The following NOL8 variants were observed in gnomAD, a reference collection of about 807,000 sequenced individuals.
NOL8 encodes nucleolar protein Nop132.
Under a neutral mutation model 116.1 loss-of-function variants are expected in NOL8, and 93 were observed. The observed-to-expected ratio is 0.80, with a 90% CI of 0.68 to 0.95. NOL8 has a LOEUF of 0.95. Ranked by LOEUF, NOL8 falls within the 40% of genes least tolerant of loss-of-function variation. The probability of loss-of-function intolerance (pLI) is 0.00; values close to 1 mark genes in which losing one functional copy is unlikely to be tolerated. For synonymous variants in NOL8, 419 were observed against 469.0 expected (o/e 0.89, Z 1.38); for missense variants, 1,291 against 1,382.8 (o/e 0.93, Z 1.05).
chr9:92,323,239 T>C, intron 3 of NOL8: 1 of 1,431,870 alleles, frequency 7.0e-7, no homozygotes. Context: ...AACCCACCAG[T>C]AAAGTGCTAC....
chr9:92,305,958 CAGATA>C (rs1838215762), intron 11 of NOL8, 128 bp from the exon 12 acceptor site: 2 of 640,164 alleles, frequency 3.1e-6, no homozygotes, highest in Non-Finnish European at 2.8e-6. Context: ...CATATAACAT[CAGATA>C]AGATAACTAG....
At chr9:92,302,599 A>G (rs1057138999) in intron 12 of NOL8, among the ~76,000 whole-genome samples, 2 of 152,224 alleles carry the variant, frequency 1.3e-5, no homozygotes, top group African/African-American at 4.8e-5. Flanking sequence ...TAGGAAACCA[A>G]GCTCTATAAA....
intron 14 of NOL8, among the ~76,000 whole-genome samples, chr9:92,299,274 T>C (rs1837512389): frequency 6.6e-6 from 1 of 152,168 alleles, no homozygotes; most frequent in African/African-American, 2.4e-5. Context: ...GCTACCCCAT[T>C]TGCCAGTGCC....
intron 13 of NOL8, 80 bp downstream of exon 13, chr9:92,301,471 A>C (rs1837736421): frequency 9.0e-7 from 1 of 1,116,142 alleles, no homozygotes; most frequent in African/African-American, 1.6e-5. Flanking sequence ...CTAACATGAA[A>C]TCTGTTACAC....
intron 10 of NOL8, chr9:92,308,854 T>G (rs1373612102): frequency 1.3e-5 from 2 of 151,634 alleles, no homozygotes; most frequent in Non-Finnish European, 2.9e-5. Flanking sequence ...ACCCAAAGAG[T>G]TGTAAAGAAA....
chr9:92,303,277 GGCAAACTATAGTCCATGGGCCA>G (rs1028506189), intron 12 of NOL8, among the ~76,000 whole-genome samples: 1 of 152,140 alleles, frequency 6.6e-6, no homozygotes. Context: ...AGAAGGGGTT[GGCAAACTATAGTCCATGGGCCA>G]AGTCCAGGCT....
chr9:92,317,156 TCTCA>T (rs1477462053), intron 6 of NOL8, among the ~76,000 whole-genome samples: 2 of 152,142 alleles, frequency 1.3e-5, no homozygotes, highest in African/African-American at 4.8e-5. Flanking sequence ...AGAGTTACAG[TCTCA>T]CTATGTTGCC....
rs1008723815 is a variant in NOL8 at position 92,301,547 on chromosome 9, G to A, written c.3175+4C>T. The stretch of plus-strand genomic sequence containing the variant: ...TAAAAAAGTATGGGAAAAAAGAAAA[G>A]TACCTTCCTTTATGTCTTTAGTGTC... On this transcript the variant is annotated splice_donor_region_variant and intron_variant, in intron 13 of 16. Coordinates refer to ENST00000442668, the MANE Select transcript of NOL8 (RefSeq NM_017948.6). 2 of 1,569,224 alleles carry A rather than the reference G, an allele frequency of 1.3e-6. No individual in the cohort carries two copies. Among genetic ancestry groups the A allele is most frequent in the Non-Finnish European group, 8.6e-7 (1 of 1,162,054 alleles).
chr9:92,315,032 G>A lies in NOL8; in HGVS notation c.1593C>T (p.Gly531=). ...RGSKSPKTPT[G]LRRGRQCIRP... is the part of the protein sequence containing the mutation. ...GAATACACTGTCGGCCTCTGCGGAG[G>A]CCAGTGGGAGTCTTGGGGCTCTTGG... The change falls in exon 7 of 17, where the codon GGC becomes GGT. Residue 531 remains glycine, a synonymous_variant. Coordinates refer to ENST00000442668, the MANE Select transcript of NOL8 (RefSeq NM_017948.6). 6.2e-7 allele frequency: 1 copy of A among 1,614,032 alleles called. No homozygotes were observed. Among genetic ancestry groups the A allele is most frequent in the South Asian group, 1.1e-5 (1 of 91,086 alleles).
Position 92,306,429 on chromosome 9 carries a change from A to C in NOL8, c.2825+457T>G, listed in dbSNP as rs185913093. ...ATTTGCATAAAACATTTCATTGTGTAAAGTAGGGGTTGGATAAAGGTATAG... is the reference window on the plus strand; with the variant it reads ...ATTTGCATAAAACATTTCATTGTGTCAAGTAGGGGTTGGATAAAGGTATAG... On this transcript the variant is annotated intron_variant, in intron 11 of 16. Coordinates refer to ENST00000442668, the MANE Select transcript of NOL8 (RefSeq NM_017948.6). 2.8e-4 allele frequency among the ~76,000 whole-genome samples: 42 copies of C among 152,318 alleles called. No individual in the cohort carries two copies. In the East Asian group the frequency reaches 7.9e-3, roughly 29 times the overall value.
chr9:92,300,654 A>G (rs1837653931), intron 13 of NOL8: 1 of 1,028,900 alleles, frequency 9.7e-7, no homozygotes, highest in Admixed American at 5.0e-5. Flanking sequence ...TCTACTCAAC[A>G]GTTTATATAG....
intron 3 of NOL8, chr9:92,322,712 T>A (rs996809895): frequency 1.3e-5 from 2 of 152,236 alleles, no homozygotes; most frequent in Non-Finnish European, 2.9e-5. Context: ...AAACTTGGGC[T>A]GAGAAGTTTA....
rs760813523 is a variant in NOL8 at position 92,315,670 on chromosome 9, G to A, written c.955C>T (p.Gln319Ter). Reference protein sequence around the residue: ...RMMIAKEENLQRTTQPSINES... With the variant: ...RMMIAKEENL ...TTTATTGAGGGTTGTGTAGTTCTCT[G>A]TAAGTTTTCCTCTTTCGCAATCATC... Residue 319 changes from glutamine to a stop codon, truncating the protein, a stop_gained, in exon 7 of 17, where the codon CAG (glutamine) becomes TAG (stop). Coordinates refer to ENST00000442668, the MANE Select transcript of NOL8 (RefSeq NM_017948.6). LOFTEE classifies it high-confidence loss of function. 1 of 1,612,676 alleles carries A rather than the reference G, an allele frequency of 6.2e-7. No individual in the cohort carries two copies. The highest frequency in any genetic ancestry group is 8.5e-7 in the Non-Finnish European group (1 of 1,179,232).
intron 13 of NOL8, chr9:92,300,719 T>C (rs750988838): frequency 1.7e-6 from 2 of 1,160,276 alleles, no homozygotes; most frequent in Non-Finnish European, 2.2e-6. Context: ...TAGATTGTTA[T>C]ACTTCCTTTT....
chr9:92,309,624 A>T (rs1319203908), intron 10 of NOL8, among the ~76,000 whole-genome samples: 1 of 152,156 alleles, frequency 6.6e-6, no homozygotes, highest in African/African-American at 2.4e-5. Context: ...CTGTAGAAAA[A>T]GATTGGAAGT....
At chr9:92,307,092 A>G (rs765445065) in intron 10 of NOL8, 68 bp from the exon 11 acceptor site, 81 of 1,484,216 alleles carry the variant, frequency 5.5e-5, no homozygotes, top group Non-Finnish European at 7.2e-5. Context: ...ATCATCAAAT[A>G]TTTACCAAGT....
chr9:92,307,775 T>C (rs531945816), intron 10 of NOL8, among the ~76,000 whole-genome samples: 6 of 152,248 alleles, frequency 3.9e-5, no homozygotes, highest in Admixed American at 6.5e-5. Context: ...GTTGAGATAG[T>C]GTTTAACTGA....
chr9:92,316,880 T>C (rs956712589), intron 6 of NOL8, among the ~76,000 whole-genome samples: 2 of 152,206 alleles, frequency 1.3e-5, no homozygotes, highest in African/African-American at 2.4e-5. Context: ...TTAACATCGA[T>C]GTGTTGTAAT....
At chr9:92,306,383 T>C (rs1473595376) in intron 11 of NOL8, among the ~76,000 whole-genome samples, 3 of 152,202 alleles carry the variant, frequency 2.0e-5, no homozygotes, top group Non-Finnish European at 4.4e-5. Flanking sequence ...TACATACAGA[T>C]AAAATGATAT....
Sources: gnomAD v4.1 joint callset for allele counts (sites outside exome capture counted in the v4.1 genomes callset) on GRCh38, gnomAD v4.1.1 for gene constraint, MANE v1.5 for transcripts, NCBI Gene and HGNC (gene_info 2026-07-23, HGNC 2026-07-21) for gene names.